AP4E1: variants seen among roughly 807,000 people sequenced by gnomAD.
The protein encoded by AP4E1 is AP-4 complex subunit epsilon-1.
A neutral mutation model predicts 128.2 loss-of-function variants in AP4E1; 56 were observed. The observed-to-expected ratio is 0.44, with a 90% confidence interval of 0.35 to 0.55. The LOEUF is 0.55. AP4E1 is among the 20% of genes least tolerant of loss of function. The pLI is 0.00. For missense variants in AP4E1, 1,324 were observed against 1,307.7 expected, an observed-to-expected ratio of 1.01 and a Z score of -0.19; for synonymous variants, 484 against 473.1, an observed-to-expected ratio of 1.02 and a Z score of -0.30.
chr15:50,959,139 A>C (rs1480345296), intron 14 of AP4E1, among the ~76,000 whole-genome samples: 1 of 151,890 alleles, frequency 6.6e-6, no homozygotes, highest in East Asian at 1.9e-4. Context: ...TGAACCTGGG[A>C]GGCAGAGGTT....
chr15:50,975,329 C>T (rs186603302), intron 15 of AP4E1, among the ~76,000 whole-genome samples: 15 of 152,238 alleles, frequency 9.9e-5, no homozygotes, highest in Non-Finnish European at 1.0e-4. Flanking sequence ...CACTTGAACC[C>T]GGGAGGTGGA....
At chr15:50,944,291 T>G (rs145904339) in intron 10 of AP4E1, among the ~76,000 whole-genome samples, 3 of 152,212 alleles carry the variant, frequency 2.0e-5, no homozygotes, top group South Asian at 4.2e-4. Flanking sequence ...TTTACCAGGT[T>G]TTATTACCTC....
At chr15:50,984,340 T>C (rs2064686393) in intron 16 of AP4E1, among the ~76,000 whole-genome samples, 195 bp downstream of exon 16, 1 of 152,124 alleles carries the variant, frequency 6.6e-6, no homozygotes, top group Admixed American at 6.5e-5. Context: ...AGTTCTAGGG[T>C]ACAGGTTCAC....
intron 3 of AP4E1, among the ~76,000 whole-genome samples, chr15:50,923,674 C>T (rs901509465): frequency 3.9e-5 from 6 of 152,094 alleles, no homozygotes; most frequent in African/African-American, 1.4e-4. Context: ...GTGCCATTTA[C>T]AAGATTTTAA....
rs1252056671 is a variant in AP4E1, at chr15:51,003,573, G to A, written c.*911G>A. On this transcript the variant is annotated 3_prime_UTR_variant, in exon 21 of 21. Coordinates refer to ENST00000261842, the MANE Select transcript of AP4E1 (RefSeq NM_007347.5). ...CCACTAGTACTTAATGGATATAGCT[G>A]AAGCAGAGACTAAGTATAACATACA... 1 of 152,542 alleles carries A rather than the reference G, an allele frequency of 6.6e-6. No individual in the cohort carries two copies. The highest frequency in any genetic ancestry group is 1.5e-5 in the Non-Finnish European group (1 of 68,036). 9.4% of individuals were successfully genotyped at this position (152,542 alleles called of 1,614,324 possible).
At chr15:50,958,200 A>G (rs541085562) in intron 13 of AP4E1, among the ~76,000 whole-genome samples, 9 of 152,340 alleles carry the variant, frequency 5.9e-5, no homozygotes, top group African/African-American at 2.2e-4. Context: ...AAATAATAAC[A>G]GGATGTGATA....
At chr15:50,951,733 T>G (rs1433673217) in intron 13 of AP4E1, among the ~76,000 whole-genome samples, 2 of 149,086 alleles carry the variant, frequency 1.3e-5, no homozygotes, top group Non-Finnish European at 1.5e-5. Context: ...TTTCTTTTTT[T>G]TTTTTTTTTT....
intron 1 of AP4E1, among the ~76,000 whole-genome samples, chr15:50,910,009 C>G (rs1168614881): frequency 1.3e-5 from 2 of 151,992 alleles, no homozygotes; most frequent in Admixed American, 1.3e-4. Flanking sequence ...TTTTTAATGA[C>G]GGAGTCTCGC....
At chr15:50,947,587 T>C (rs2064080233) in intron 10 of AP4E1, among the ~76,000 whole-genome samples, 1 of 152,224 alleles carries the variant, frequency 6.6e-6, no homozygotes. Context: ...TGGGAAATAG[T>C]CTGCTGTCTT....
At chr15:50,969,920 A>T (rs1414841178) in intron 15 of AP4E1, among the ~76,000 whole-genome samples, 1 of 152,132 alleles carries the variant, frequency 6.6e-6, no homozygotes, top group African/African-American at 2.4e-5. Flanking sequence ...TGGCCTCCCA[A>T]AGTGCTGGGA....
chr15:50,994,166 G>C lies in AP4E1; in HGVS notation c.2346+541G>C, dbSNP rs919728263. Among the ~76,000 whole-genome samples, 3 of 152,188 alleles carry C rather than the reference G, an allele frequency of 2.0e-5. No homozygotes were observed. The South Asian group carries it at 6.2e-4, about 32-fold the overall frequency. On this transcript the variant is annotated intron_variant, in intron 17 of 20. Coordinates refer to ENST00000261842, the MANE Select transcript of AP4E1 (RefSeq NM_007347.5). ...TTATGCCTTGTTTATACCTAAGGCT[G>C]AAAGGAATTATACAAAAATGATAAT...
At chr15:50,952,411 G>A (rs1282597594) in intron 13 of AP4E1, among the ~76,000 whole-genome samples, 1 of 151,590 alleles carries the variant, frequency 6.6e-6, no homozygotes, top group Non-Finnish European at 1.5e-5. Flanking sequence ...TCGGGAGGCT[G>A]AGGCAGGAGA....
intron 13 of AP4E1, 95 bp from the exon 14 acceptor site, chr15:50,958,397 A>G: frequency 1.7e-5 from 18 of 1,037,052 alleles, no homozygotes; most frequent in Non-Finnish European, 2.4e-5. Context: ...TCTACTTTAA[A>G]TTCACTCTAG....
chr15:50,973,757 CAA>C (rs1474950193), intron 15 of AP4E1, among the ~76,000 whole-genome samples: 2 of 152,172 alleles, frequency 1.3e-5, no homozygotes, highest in Admixed American at 1.3e-4. Flanking sequence ...TCTTCGTTTT[CAA>C]AGTTTAATAG....
In AP4E1 at chr15:50,943,462, C is replaced by G. The variant is rs537633445; in HGVS notation, c.1176+1687C>G. On this transcript the variant is annotated intron_variant, in intron 10 of 20. Transcript: ENST00000261842. The stretch of plus-strand genomic sequence containing the variant: ...TAGTAGTCTGAAAATTGTTACATGC[C>G]TTGGATCTGGGCAGTTTGCAGATGT... 2.6e-5 allele frequency among the ~76,000 whole-genome samples: 4 copies of G among 151,694 alleles called. No individual in the cohort carries two copies. The East Asian group carries it at 7.7e-4, about 29-fold the overall frequency.
At chr15:50,958,829 C>T (rs755554705) in intron 14 of AP4E1, 35 bp downstream of exon 14, 72 of 1,599,300 alleles carry the variant, frequency 4.5e-5, no homozygotes, top group Middle Eastern at 1.7e-4. Flanking sequence ...TTAAAAATTG[C>T]GTTGTCATTA....
Position 50,979,548 on chromosome 15 carries a change from G to A in AP4E1, c.1967-4474G>A, listed in dbSNP as rs1028570518. ...CTTTTTCTTTTCTTTTTTTTGAGGCGGAGTTTCACTCTGTCACCCAGGCTA... is the reference window on the plus strand; with the variant it reads ...CTTTTTCTTTTCTTTTTTTTGAGGCAGAGTTTCACTCTGTCACCCAGGCTA... On this transcript the variant is annotated intron_variant, in intron 15 of 20. Transcript: ENST00000261842. 4.5e-4 allele frequency among the ~76,000 whole-genome samples: 69 copies of A among 151,772 alleles called. 1 individual carries two copies. Among genetic ancestry groups the A allele is most frequent in the Admixed American group, 4.0e-3 (61 of 15,248 alleles).
chr15:50,951,726 C>CTTTTTTTTTTT (rs71127166), intron 13 of AP4E1, among the ~76,000 whole-genome samples: 1 of 126,028 alleles, frequency 7.9e-6, no homozygotes, highest in Non-Finnish European at 1.7e-5. Context: ...AATTTTCTTT[C>CTTTTTTTTTTT]TTTTTTTTTT....
intron 8 of AP4E1, among the ~76,000 whole-genome samples, chr15:50,937,693 TAAGA>T (rs2063925276): frequency 6.6e-6 from 1 of 152,044 alleles, no homozygotes; most frequent in South Asian, 2.1e-4. Context: ...GAAAGGTAGA[TAAGA>T]TTTAGATAGG....
Sources: gnomAD v4.1 joint callset for allele counts (sites outside exome capture counted in the v4.1 genomes callset) on GRCh38, gnomAD v4.1.1 for gene constraint, MANE v1.5 for transcripts, NCBI Gene and HGNC (gene_info 2026-07-23, HGNC 2026-07-21) for gene names.